NFIA: variants seen among roughly 807,000 people sequenced by gnomAD.
NFIA encodes nuclear factor 1 A-type.
NFIA carries 8 observed loss-of-function variants against 62.8 expected under a neutral mutation model. The ratio of observed to expected loss-of-function variants is 0.13; its 90% CI spans 0.07 to 0.23. The LOEUF (loss-of-function observed/expected upper bound fraction) is 0.23, where lower values mean the gene tolerates loss of function less well. NFIA is among the 10% of genes least tolerant of loss of function. The probability of loss-of-function intolerance (pLI) is 1.00; values close to 1 mark genes in which losing one functional copy is unlikely to be tolerated. For synonymous variants in NFIA, 235 were observed against 238.1 expected (o/e 0.99, Z 0.12); for missense variants, 410 against 642.1 (o/e 0.64, Z 3.91).
At position 61,227,913 on chromosome 1, in the gene NFIA, T is replaced by C. The variant is rs540693988; in HGVS notation, c.560-49607T>C. Among the ~76,000 whole-genome samples the C allele has an allele frequency of 2.0e-5, 3 of 152,326 alleles. No homozygotes were observed. In the South Asian group the frequency reaches 6.2e-4, roughly 32 times the overall value. On this transcript the variant is annotated intron_variant, in intron 2 of 10. Transcript: ENST00000403491. The stretch of plus-strand genomic sequence containing the variant: ...AGCCTAGAAGTTTCATTATTATAAA[T>C]TTTTGTGCTAGCCTTTGGACTGACC...
chr1:61,453,442 A>AGTTTT (rs1557451690), intron 10 of NFIA, among the ~76,000 whole-genome samples: 1 of 132,468 alleles, frequency 7.5e-6, no homozygotes, highest in African/African-American at 2.8e-5. Flanking sequence ...GTGTGAAGAA[A>AGTTTT]CTTTTTTTTT....
At chr1:61,285,283 TC>T (rs1389915461) in intron 3 of NFIA, among the ~76,000 whole-genome samples, 1 of 152,100 alleles carries the variant, frequency 6.6e-6, no homozygotes, top group Non-Finnish European at 1.5e-5. Context: ...TGGTGAAAGA[TC>T]AGAGGGGCGA....
intron 9 of NFIA, among the ~76,000 whole-genome samples, chr1:61,422,263 A>C (rs1184808978): frequency 6.6e-6 from 1 of 152,136 alleles, no homozygotes; most frequent in Non-Finnish European, 1.5e-5. Context: ...ACTCCATCTC[A>C]AAAAAATAAA....
At chr1:61,375,065 ATTC>A (rs1249809724) in intron 6 of NFIA, among the ~76,000 whole-genome samples, 5 of 152,160 alleles carry the variant, frequency 3.3e-5, no homozygotes, top group African/African-American at 9.7e-5. Flanking sequence ...TAACCGTGGG[ATTC>A]TTCTGTTCAG....
intron 7 of NFIA, among the ~76,000 whole-genome samples, chr1:61,389,293 A>C (rs1304678117): frequency 2.6e-5 from 4 of 152,154 alleles, no homozygotes; most frequent in Non-Finnish European, 4.4e-5. Context: ...GAAAAGGTGA[A>C]GGCAAAAAGG....
chr1:61,451,303 G>A (rs555188294), intron 10 of NFIA, among the ~76,000 whole-genome samples: 58 of 152,300 alleles, frequency 3.8e-4, no homozygotes, highest in Admixed American at 1.5e-3. Context: ...GGAAAAAGTC[G>A]TGCTGCAATG....
intron 2 of NFIA, among the ~76,000 whole-genome samples, chr1:61,153,309 T>G (rs1176937831): frequency 9.9e-5 from 15 of 152,228 alleles, no homozygotes. Flanking sequence ...CTATAAGCAT[T>G]TATGATTCCT....
intron 3 of NFIA, among the ~76,000 whole-genome samples, chr1:61,309,297 G>A (rs2806436): frequency 0.86 from 131,500 of 152,050 alleles, 56,952 homozygotes; most frequent in East Asian, 0.91. Flanking sequence ...TCCTTCTCCA[G>A]TGTCAGTACT....
rs1218236400 is a variant in NFIA, at chr1:61,462,552, G to A, written c.*7232G>A. 1 of 152,162 alleles carries A rather than the reference G, an allele frequency of 6.6e-6. No homozygotes were observed. Among genetic ancestry groups the A allele is most frequent in the Non-Finnish European group, 1.5e-5 (1 of 68,040 alleles). 9.4% of individuals were successfully genotyped at this position (152,162 alleles called of 1,614,324 possible). A position where few individuals can be genotyped will look rare whatever the true frequency, so the allele number is the denominator to read the frequency against. On this transcript the variant is annotated 3_prime_UTR_variant, in exon 11 of 11. Coordinates refer to ENST00000403491, the MANE Select transcript of NFIA (RefSeq NM_001134673.4). ...TAGTATACTTGTATTGACTCTCATA[G>A]TTACCCTTTTAGTTTTACTGTGTTC...
At position 61,459,004 on chromosome 1, in the gene NFIA, A is replaced by G. The variant is rs1030775283; in HGVS notation, c.*3684A>G. 1 of 152,238 alleles carries G rather than the reference A, an allele frequency of 6.6e-6. No homozygotes were observed. The highest frequency in any genetic ancestry group is 2.4e-5 in the African/African-American group (1 of 41,460). The allele number at this position is 152,238 out of a possible 1,614,324, so 9.4% of individuals were successfully genotyped here. On this transcript the variant is annotated 3_prime_UTR_variant, in exon 11 of 11. Transcript: ENST00000403491. ...TTTGTTCATGTTTCATTGTCCAGAA[A>G]GCAGCAGGAAACTATTCAGTTGTGA...
intron 5 of NFIA, among the ~76,000 whole-genome samples, chr1:61,357,228 T>C (rs1663001364): frequency 6.6e-6 from 1 of 152,236 alleles, no homozygotes; most frequent in South Asian, 2.1e-4. Flanking sequence ...GGGGGTTATG[T>C]TCGAAATATC....
chr1:61,352,410 A>G, intron 4 of NFIA, 40 bp from the exon 5 acceptor site: 1 of 1,412,890 alleles, frequency 7.1e-7, no homozygotes, highest in Non-Finnish European at 1.0e-6. Context: ...TTTTTTATCC[A>G]CAGAATTTAA....
intron 2 of NFIA, among the ~76,000 whole-genome samples, chr1:61,136,980 A>G (rs1476628794): frequency 6.6e-6 from 1 of 152,196 alleles, no homozygotes; most frequent in Admixed American, 6.5e-5. Context: ...AGAAATAGGT[A>G]CCCCATATTT....
intron 7 of NFIA, among the ~76,000 whole-genome samples, chr1:61,399,041 A>G (rs1232483744): frequency 1.3e-5 from 2 of 152,128 alleles, no homozygotes; most frequent in Non-Finnish European, 2.9e-5. Flanking sequence ...CCGTATTACA[A>G]ATTTTTACTT....
chr1:61,125,255 A>C (rs1646948868), intron 2 of NFIA: 1 of 152,124 alleles, frequency 6.6e-6, no homozygotes, highest in South Asian at 2.1e-4. Context: ...GTGACATTTG[A>C]GCTGGCATTT....
At chr1:61,343,788 G>C (rs1306747216) in intron 4 of NFIA, among the ~76,000 whole-genome samples, 1 of 152,180 alleles carries the variant, frequency 6.6e-6, no homozygotes, top group Non-Finnish European at 1.5e-5. Flanking sequence ...TGCAGAGAAA[G>C]TACCTTTATG....
chr1:61,278,644 C>G (rs536053840), intron 3 of NFIA, among the ~76,000 whole-genome samples: 2 of 152,054 alleles, frequency 1.3e-5, no homozygotes, highest in Non-Finnish European at 2.9e-5. Context: ...AAAAATTATT[C>G]GGTCGTAGTG....
At chr1:61,436,630 A>AT (rs1168110759) in intron 10 of NFIA, among the ~76,000 whole-genome samples, 1 of 152,086 alleles carries the variant, frequency 6.6e-6, no homozygotes, top group East Asian at 1.9e-4. Flanking sequence ...GGTCTCAGTG[A>AT]TTCTTCCTGC....
At chr1:61,315,048 A>C (rs1660299750) in intron 3 of NFIA, among the ~76,000 whole-genome samples, 1 of 152,190 alleles carries the variant, frequency 6.6e-6, no homozygotes, top group Non-Finnish European at 1.5e-5. Flanking sequence ...AACAAAAAAA[A>C]ACACTACATT....
Sources: gnomAD v4.1 joint callset for allele counts (sites outside exome capture counted in the v4.1 genomes callset) on GRCh38, gnomAD v4.1.1 for gene constraint, MANE v1.5 for transcripts, NCBI Gene and HGNC (gene_info 2026-07-23, HGNC 2026-07-21) for gene names.